Variants in EDEM2 observed in about 807,000 individuals in gnomAD.
The protein encoded by EDEM2 is ER degradation-enhancing alpha-mannosidase-like protein 2.
A neutral mutation model predicts 64.8 loss-of-function variants in EDEM2; 39 were observed. The ratio of observed to expected loss-of-function variants is 0.60; its 90% confidence interval spans 0.47 to 0.79. EDEM2 has a LOEUF of 0.79. EDEM2 is among the 30% of genes least tolerant of loss of function. The probability of loss-of-function intolerance (pLI) is 0.00; values close to 1 mark genes in which losing one functional copy is unlikely to be tolerated. For synonymous variants in EDEM2, 296 were observed against 291.5 expected (o/e 1.02, Z -0.16); for missense variants, 609 against 731.3 (o/e 0.83, Z 1.93).
chr20:35,122,221 ATATT>A (rs2085378244), intron 9 of EDEM2, among the ~76,000 whole-genome samples: 1 of 152,208 alleles, frequency 6.6e-6, no homozygotes, highest in Non-Finnish European at 1.5e-5. Flanking sequence ...TGACAGGGCC[ATATT>A]AGGAAAATTC....
At chr20:35,139,523 G>A (rs545371520) in intron 4 of EDEM2, among the ~76,000 whole-genome samples, 60 of 151,426 alleles carry the variant, frequency 4.0e-4, no homozygotes, top group Non-Finnish European at 6.3e-4. Flanking sequence ...GGCGTTGTGC[G>A]CCTGTAGTCC....
chr20:35,131,864 C>T (rs994989253), intron 6 of EDEM2, 81 bp from the exon 7 acceptor site: 36 of 1,524,290 alleles, frequency 2.4e-5, no homozygotes, highest in Non-Finnish European at 3.1e-5. Flanking sequence ...CCCTGACTGC[C>T]CAGGGAGATG....
chr20:35,147,032 T>C, intron 1 of EDEM2, 97 bp from the exon 2 acceptor site: 2 of 1,551,744 alleles, frequency 1.3e-6, no homozygotes, highest in Non-Finnish European at 1.7e-6. Flanking sequence ...CACTAGCTGA[T>C]TTCTCCCTGG....
chr20:35,147,330 C>A lies in EDEM2; in HGVS notation c.-72G>T, dbSNP rs980196630. The A allele has an allele frequency of 3.5e-5, 48 of 1,369,572 alleles. No homozygotes were observed. In the South Asian group the frequency reaches 7.8e-4, roughly 22 times the overall value. The allele number at this position is 1,369,572 out of a possible 1,614,324, so 84.8% of individuals were successfully genotyped here. ...AACCAGTTCATCCTGGGAGCTGCTGCGGGTTCTTCCGGGAATCCGCGCCAC... is the reference window on the plus strand; with the variant it reads ...AACCAGTTCATCCTGGGAGCTGCTGAGGGTTCTTCCGGGAATCCGCGCCAC... On this transcript the variant is annotated 5_prime_UTR_variant, in exon 1 of 11. Transcript: ENST00000374492.
intron 7 of EDEM2, among the ~76,000 whole-genome samples, chr20:35,126,686 G>A (rs982563998): frequency 3.0e-4 from 46 of 152,142 alleles, no homozygotes; most frequent in African/African-American, 1.1e-3. Context: ...GCCGAGGTGG[G>A]CGGATCACCT....
intron 6 of EDEM2, among the ~76,000 whole-genome samples, chr20:35,132,874 G>A (rs2085524547): frequency 1.3e-5 from 2 of 152,016 alleles, no homozygotes; most frequent in Admixed American, 1.3e-4. Context: ...AGACCCTCAT[G>A]GAAGCTGGTA....
At chr20:35,143,798 C>G (rs2085690591) in intron 3 of EDEM2, among the ~76,000 whole-genome samples, 1 of 152,102 alleles carries the variant, frequency 6.6e-6, no homozygotes, top group African/African-American at 2.4e-5. Context: ...CTCATCACAG[C>G]CTCGAACTCT....
intron 4 of EDEM2, among the ~76,000 whole-genome samples, chr20:35,141,976 C>T (rs1032985703): frequency 6.6e-6 from 1 of 152,180 alleles, no homozygotes; most frequent in Admixed American, 6.6e-5. Context: ...TCATGTGGTT[C>T]GTGGCTACCA....
intron 5 of EDEM2, 123 bp downstream of exon 5, chr20:35,137,757 G>T: frequency 7.1e-7 from 1 of 1,411,734 alleles, no homozygotes. Context: ...CTGGTGGGTA[G>T]AAAGACCAAA....
intron 7 of EDEM2, among the ~76,000 whole-genome samples, 196 bp from the exon 8 acceptor site, chr20:35,126,571 C>G (rs192403831): frequency 7.2e-5 from 11 of 152,120 alleles, no homozygotes; most frequent in Non-Finnish European, 1.2e-4. Context: ...ACTTGCTAAC[C>G]GTGACCTGGG....
intron 8 of EDEM2, among the ~76,000 whole-genome samples, chr20:35,125,882 C>T (rs187926149): frequency 3.3e-5 from 5 of 152,286 alleles, no homozygotes; most frequent in Admixed American, 6.5e-5. Context: ...GGAAAAACAA[C>T]GAGATGGCAC....
chr20:35,131,467 G>A (rs1158520188), intron 7 of EDEM2, among the ~76,000 whole-genome samples, 175 bp downstream of exon 7: 2 of 152,176 alleles, frequency 1.3e-5, no homozygotes, highest in African/African-American at 4.8e-5. Flanking sequence ...TCAGGAGGCT[G>A]AGGCATGAGA....
chr20:35,146,593 C>T (rs2085735304), intron 2 of EDEM2, among the ~76,000 whole-genome samples: 1 of 152,202 alleles, frequency 6.6e-6, no homozygotes, highest in Non-Finnish European at 1.5e-5. Context: ...ACTGCTGGGG[C>T]TGAGCTCAGC....
chr20:35,129,363 C>T (rs756253342), intron 7 of EDEM2, among the ~76,000 whole-genome samples: 11 of 151,348 alleles, frequency 7.3e-5, no homozygotes, highest in Non-Finnish European at 1.3e-4. Flanking sequence ...GCCGATATTG[C>T]ACCACTGTAC....
intron 2 of EDEM2, 27 bp downstream of exon 2, chr20:35,146,798 C>T: frequency 1.9e-6 from 3 of 1,609,562 alleles, no homozygotes; most frequent in Non-Finnish European, 2.5e-6. Context: ...AGACCCTGGC[C>T]GCCCCTTGCC....
At position 35,142,497 on chromosome 20, in the gene EDEM2, C is replaced by A. The variant is rs189031450; in HGVS notation, c.259-19G>T. ...CCAAAATCTGGAAATAAAAAAGAGA[C>A]CTGACAATGAGGCTCTTACATGCAT... On this transcript the variant is annotated intron_variant, in intron 3 of 10. Coordinates refer to ENST00000374492, the MANE Select transcript of EDEM2 (RefSeq NM_018217.3). The A allele has an allele frequency of 7.2e-5, 114 of 1,591,276 alleles. No individual in the cohort carries two copies. Among genetic ancestry groups the A allele is most frequent in the Non-Finnish European group, 9.0e-5 (105 of 1,160,748 alleles).
At chr20:35,120,758 C>T (rs1250295707) in intron 9 of EDEM2, among the ~76,000 whole-genome samples, 4 of 151,638 alleles carry the variant, frequency 2.6e-5, no homozygotes, top group African/African-American at 7.3e-5. Flanking sequence ...CCACCGTGCC[C>T]GGCTAATTTT....
In EDEM2 at chr20:35,120,593, CTT is replaced by C. The variant is rs5841194; in HGVS notation, c.1115-1876_1115-1875del. Among the ~76,000 whole-genome samples the C allele has an allele frequency of 3.0e-3, 288 of 95,076 alleles. 2 individuals are homozygous for C. The highest frequency in any genetic ancestry group is 3.5e-3 in the Non-Finnish European group (170 of 48,702). 62.4% of individuals were successfully genotyped at this position (95,076 alleles called of 152,430 possible). A position where few individuals can be genotyped will look rare whatever the true frequency, so the allele number is the denominator to read the frequency against. ...CTTCTGCTTCTTTTTTCGGCTTCTT[CTT>C]TTTTTTTTTTTTTTTTTTTTGAGAG... On this transcript the variant is annotated intron_variant, in intron 9 of 10. Transcript: ENST00000374492.
intron 4 of EDEM2, among the ~76,000 whole-genome samples, chr20:35,139,149 G>C (rs2085617165): frequency 6.6e-6 from 1 of 151,500 alleles, no homozygotes; most frequent in South Asian, 2.1e-4. Context: ...AGGAGATGGA[G>C]ACCATCCCGG....
Sources: allele counts gnomAD v4.1 joint callset (sites outside exome capture counted in the v4.1 genomes callset), GRCh38; gene constraint gnomAD v4.1.1; transcripts MANE v1.5; gene names NCBI Gene and HGNC (gene_info 2026-07-23, HGNC 2026-07-21).